The following ACMSD variants were observed in gnomAD, a reference collection of about 807,000 sequenced individuals.
ACMSD encodes the protein 2-amino-3-carboxymuconate-6-semialdehyde decarboxylase.
A neutral mutation model predicts 45.9 loss-of-function variants in ACMSD; 37 were observed. That is an observed-to-expected ratio of 0.81 (90% CI 0.62 to 1.06). The LOEUF is 1.06. Ranked by LOEUF, ACMSD falls within the 50% of genes least tolerant of loss-of-function variation. ACMSD has a pLI of 0.00. For missense variants in ACMSD, 434 were observed against 420.9 expected, an observed-to-expected ratio of 1.03 and a Z score of -0.27; for synonymous variants, 138 against 148.8, an observed-to-expected ratio of 0.93 and a Z score of 0.53.
chr2:134,838,981 T>C (rs1393276424), intron 1 of ACMSD, among the ~76,000 whole-genome samples: 1 of 152,228 alleles, frequency 6.6e-6, no homozygotes, highest in Non-Finnish European at 1.5e-5. Flanking sequence ...AAATGAACCA[T>C]TCTTTAAAAT....
At chr2:134,885,283 T>TAA (rs1559064572) in intron 8 of ACMSD, among the ~76,000 whole-genome samples, 3 of 63,368 alleles carry the variant, frequency 4.7e-5, no homozygotes, top group African/African-American at 9.0e-5. Flanking sequence ...ATATATTATA[T>TAA]ATTATATTTA....
At chr2:134,872,704 C>G in intron 8 of ACMSD, 63 bp downstream of exon 8, 2 of 1,575,942 alleles carry the variant, frequency 1.3e-6, no homozygotes, top group South Asian at 1.1e-5. Flanking sequence ...GCAACCCATT[C>G]TCTCTCCTTT....
intron 2 of ACMSD, among the ~76,000 whole-genome samples, chr2:134,857,555 T>G (rs142101902): frequency 6.6e-6 from 1 of 152,260 alleles, no homozygotes; most frequent in East Asian, 1.9e-4. Flanking sequence ...CGTTACCCAA[T>G]TTATTAGTTT....
intron 1 of ACMSD, among the ~76,000 whole-genome samples, chr2:134,843,330 G>T (rs1686893088): frequency 6.6e-6 from 1 of 152,160 alleles, no homozygotes; most frequent in African/African-American, 2.4e-5. Flanking sequence ...CACTGGGGAA[G>T]AAACAGAAGA....
chr2:134,853,725 TG>T (rs1302494555), intron 2 of ACMSD, among the ~76,000 whole-genome samples: 1 of 151,736 alleles, frequency 6.6e-6, no homozygotes, highest in Admixed American at 6.6e-5. Flanking sequence ...CAATGAGAAC[TG>T]GGGGCTTATT....
intron 8 of ACMSD, among the ~76,000 whole-genome samples, chr2:134,886,130 C>T (rs189394387): frequency 2.2e-3 from 333 of 151,782 alleles, no homozygotes; most frequent in African/African-American, 6.9e-3. Context: ...AATAGGATGG[C>T]CTTAACTTTT....
At chr2:134,888,739 C>A (rs1212819301) in intron 8 of ACMSD, among the ~76,000 whole-genome samples, 1 of 151,530 alleles carries the variant, frequency 6.6e-6, no homozygotes, top group Non-Finnish European at 1.5e-5. Context: ...AAGCTGGATC[C>A]CAGAGAGTGT....
chr2:134,898,499 G>C, intron 9 of ACMSD, 60 bp downstream of exon 9: 1 of 1,204,212 alleles, frequency 8.3e-7, no homozygotes. Context: ...ATTGGGTTTG[G>C]TTTCAGAGCA....
At chr2:134,847,828 T>C (rs1452579576) in intron 2 of ACMSD, among the ~76,000 whole-genome samples, 2 of 151,146 alleles carry the variant, frequency 1.3e-5, no homozygotes, top group Non-Finnish European at 2.9e-5. Flanking sequence ...ATGGTATATA[T>C]ATGCCACATT....
intron 2 of ACMSD, among the ~76,000 whole-genome samples, chr2:134,858,686 C>A (rs1348655724): frequency 1.3e-5 from 2 of 152,018 alleles, no homozygotes; most frequent in Admixed American, 1.3e-4. Flanking sequence ...TGTACCCAGG[C>A]AAGCATGATG....
At chr2:134,871,143 A>G in intron 7 of ACMSD, 83 bp downstream of exon 7, 1 of 1,243,810 alleles carries the variant, frequency 8.0e-7, no homozygotes, top group Non-Finnish European at 1.2e-6. Flanking sequence ...ACAGAAATTT[A>G]TTTTCTCACA....
Position 134,896,278 on chromosome 2 carries a change from C to A in ACMSD, c.850-2063C>A, listed in dbSNP as rs79465519. Among the ~76,000 whole-genome samples, 367 of 152,204 alleles carry A rather than the reference C, an allele frequency of 2.4e-3. 1 individual carries two copies. Among genetic ancestry groups the A allele is most frequent in the African/African-American group, 8.3e-3 (346 of 41,528 alleles). ...TTTGCTATGGCACCAAAAGTACAAG[C>A]ATCCAAAGAAAATAATAGATGAAGA... On this transcript the variant is annotated intron_variant, in intron 8 of 9. Transcript: ENST00000356140.
At chr2:134,901,557 A>C (rs1245307564) in intron 9 of ACMSD, among the ~76,000 whole-genome samples, 2 of 152,154 alleles carry the variant, frequency 1.3e-5, no homozygotes, top group African/African-American at 4.8e-5. Context: ...GGCACCTCCT[A>C]AGGAGGGCTC....
chr2:134,898,520 TA>T, intron 9 of ACMSD, 81 bp downstream of exon 9: 1 of 883,090 alleles, frequency 1.1e-6, no homozygotes, highest in South Asian at 2.4e-5. Flanking sequence ...CTTTGATATA[TA>T]AAAACAAAGA....
Position 134,863,616 on chromosome 2 carries a change from C to T in ACMSD, c.471C>T (p.Leu157=). 6.2e-7 allele frequency: 1 copy of T among 1,614,156 alleles called. No individual in the cohort carries two copies. Among genetic ancestry groups the T allele is most frequent in the Admixed American group, 1.7e-5 (1 of 60,030 alleles). The change falls in exon 5 of 10, where the codon CTC becomes CTT. Residue 157 remains leucine, a synonymous_variant. Coordinates refer to ENST00000356140, the MANE Select transcript of ACMSD (RefSeq NM_138326.3). ...AGTGGGACCTGAACGCGCAGGAGCT[C>T]TTTCCTGTCTATGCGGTGAGTAGCG... ...VNEWDLNAQE[L]FPVYAAAERL...
At chr2:134,846,582 T>C (rs1244556667) in intron 2 of ACMSD, among the ~76,000 whole-genome samples, 2 of 152,134 alleles carry the variant, frequency 1.3e-5, no homozygotes, top group African/African-American at 4.8e-5. Flanking sequence ...TATTTTATTT[T>C]ATTTTTTAGA....
chr2:134,843,702 ACT>A (rs1686916533), intron 1 of ACMSD, among the ~76,000 whole-genome samples: 1 of 152,124 alleles, frequency 6.6e-6, no homozygotes, highest in Admixed American at 6.5e-5. Context: ...CCGCTGACCA[ACT>A]CAGAGCCATT....
At chr2:134,855,380 T>C (rs1015186028) in intron 2 of ACMSD, among the ~76,000 whole-genome samples, 18 of 152,204 alleles carry the variant, frequency 1.2e-4, no homozygotes, top group African/African-American at 4.3e-4. Context: ...ATAGCCACTG[T>C]ACATGGCCAC....
At chr2:134,899,115 T>G (rs1573738141) in intron 9 of ACMSD, among the ~76,000 whole-genome samples, 1 of 152,256 alleles carries the variant, frequency 6.6e-6, no homozygotes, top group East Asian at 1.9e-4. Flanking sequence ...AATAACAATA[T>G]GAGAATATAT....
Sources: gnomAD v4.1 joint callset for allele counts (sites outside exome capture counted in the v4.1 genomes callset) on GRCh38, gnomAD v4.1.1 for gene constraint, MANE v1.5 for transcripts, NCBI Gene and HGNC (gene_info 2026-07-23, HGNC 2026-07-21) for gene names.